The following ARHGEF33 variants were observed in gnomAD, a reference collection of about 807,000 sequenced individuals.
ARHGEF33 encodes DH and coiled-coil domain-containing protein ENSP00000381780.
Under a neutral mutation model 101.9 loss-of-function variants are expected in ARHGEF33, and 72 were observed. The observed-to-expected ratio is 0.71, with a 90% CI of 0.58 to 0.86. The LOEUF is 0.86. Among genes scored for constraint, ARHGEF33 ranks in the 40% least tolerant of loss-of-function variants. The pLI, the probability that ARHGEF33 is intolerant of heterozygous loss-of-function variation, is 0.00. For missense variants in ARHGEF33, 1,169 were observed against 1,111.3 expected, an observed-to-expected ratio of 1.05 and a Z score of -0.74; for synonymous variants, 499 against 442.5, an observed-to-expected ratio of 1.13 and a Z score of -1.60.
intron 10 of ARHGEF33, among the ~76,000 whole-genome samples, chr2:38,945,470 T>C (rs1395196847): frequency 6.6e-6 from 1 of 152,384 alleles, no homozygotes; most frequent in East Asian, 1.9e-4. Context: ...CCATCTGGAC[T>C]GGGCCTCACC....
chr2:38,921,420 C>G lies in ARHGEF33; in HGVS notation c.72C>G (p.Tyr24Ter). The change falls in exon 4 of 18, where the codon TAC becomes TAG. Residue 24 changes from tyrosine (Y) to a stop codon, truncating the protein, a stop_gained. Transcript: ENST00000409978. LOFTEE classifies it high-confidence loss of function. ...TGAATAATCCTTCCACGCAGATTTA[C>G]CAGGTAAAGACAAATCGATTGTTTC... ...MPVNNPSTQI[Y>*]QLQALASELK... The G allele has an allele frequency of 6.5e-7, 1 of 1,539,156 alleles. No homozygotes were observed. The highest frequency in any genetic ancestry group is 8.8e-7 in the Non-Finnish European group (1 of 1,135,572).
intron 16 of ARHGEF33, among the ~76,000 whole-genome samples, chr2:38,963,181 G>A (rs1667984603): frequency 6.6e-6 from 1 of 152,154 alleles, no homozygotes; most frequent in Non-Finnish European, 1.5e-5. Flanking sequence ...TGTGTGTGTT[G>A]GAGGTGATGG....
chr2:38,937,458 G>C lies in ARHGEF33; in HGVS notation c.689G>C (p.Gly230Ala). 5 of 1,550,334 alleles carry C rather than the reference G, an allele frequency of 3.2e-6. No homozygotes were observed. Among genetic ancestry groups the C allele is most frequent in the Non-Finnish European group, 4.4e-6 (5 of 1,146,022 alleles). The change falls in exon 9 of 18, where the codon GGT (glycine) becomes GCT (alanine). Residue 230 changes from glycine to alanine, a missense_variant. Coordinates refer to ENST00000409978, the MANE Select transcript of ARHGEF33 (RefSeq NM_001145451.5). ...WRQPKDGKEW[G>A]EEYVTKDHPD... is the part of the protein sequence containing the mutation. ...CAGCCTAAGGATGGTAAAGAATGGG[G>C]TGAAGAATACGTCACAAAAGACCAC... is the stretch of plus-strand genomic sequence containing the variant.
intron 1 of ARHGEF33, among the ~76,000 whole-genome samples, chr2:38,893,033 A>G (rs144771609): frequency 3.5e-4 from 53 of 152,362 alleles, no homozygotes; most frequent in African/African-American, 1.2e-3. Flanking sequence ...AGCTCCAAAG[A>G]AGAGATTCAA....
chr2:38,904,499 A>T (rs1666343212), intron 2 of ARHGEF33, among the ~76,000 whole-genome samples: 1 of 152,132 alleles, frequency 6.6e-6, no homozygotes, highest in Non-Finnish European at 1.5e-5. Flanking sequence ...TGAGGTCAGG[A>T]GTTCGAGAAC....
chr2:38,899,429 A>G (rs1666195579), intron 2 of ARHGEF33, among the ~76,000 whole-genome samples: 1 of 152,302 alleles, frequency 6.6e-6, no homozygotes, highest in South Asian at 2.1e-4. Context: ...ATAAGATATT[A>G]TGCTCAGAGA....
rs1252021466 is a variant in ARHGEF33, at chr2:38,974,468, A to G, written c.*625A>G. On this transcript the variant is annotated 3_prime_UTR_variant, in exon 18 of 18. Transcript: ENST00000409978. ...AAAGCTTAAAAACACATTGATCTCC[A>G]AACTTGTTCTGTGGTTATGGAAATC... 5 of 152,232 alleles carry G rather than the reference A, an allele frequency of 3.3e-5. No individual in the cohort carries two copies. The highest frequency in any genetic ancestry group is 2.6e-4 in the Admixed American group (4 of 15,284). 9.4% of individuals were successfully genotyped at this position (152,232 alleles called of 1,614,324 possible).
intron 2 of ARHGEF33, among the ~76,000 whole-genome samples, chr2:38,903,237 A>G (rs968143540): frequency 6.6e-6 from 1 of 152,024 alleles, no homozygotes; most frequent in African/African-American, 2.4e-5. Context: ...TTAATAGTAC[A>G]TTAAAAAAAA....
At chr2:38,966,560 G>A (rs907684772) in intron 17 of ARHGEF33, among the ~76,000 whole-genome samples, 3 of 152,266 alleles carry the variant, frequency 2.0e-5, no homozygotes, top group Non-Finnish European at 2.9e-5. Flanking sequence ...GGATCTCAGC[G>A]CTTCTGCATT....
At chr2:38,915,176 A>G (rs1333199962) in intron 2 of ARHGEF33, among the ~76,000 whole-genome samples, 1 of 151,930 alleles carries the variant, frequency 6.6e-6, no homozygotes, top group East Asian at 1.9e-4. Flanking sequence ...AAAAGAAAGT[A>G]AAATGTTTAT....
At chr2:38,926,402 T>G (rs1183792251) in intron 4 of ARHGEF33, among the ~76,000 whole-genome samples, 1 of 152,174 alleles carries the variant, frequency 6.6e-6, no homozygotes, top group Non-Finnish European at 1.5e-5. Context: ...GGGTCGGTAG[T>G]TGAAAACCGC....
chr2:38,935,904 C>T (rs1572757686), intron 8 of ARHGEF33, 70 bp downstream of exon 8: 3 of 1,221,264 alleles, frequency 2.5e-6, no homozygotes, highest in South Asian at 2.7e-5. Flanking sequence ...ATCTTCCCTG[C>T]TTCCACTTCC....
chr2:38,941,228 T>G (rs1667299785), intron 9 of ARHGEF33, among the ~76,000 whole-genome samples: 1 of 152,134 alleles, frequency 6.6e-6, no homozygotes, highest in African/African-American at 2.4e-5. Flanking sequence ...TGGGGTTAAT[T>G]TGGGGAAGGG....
chr2:38,902,853 A>T (rs1249642439), intron 2 of ARHGEF33, among the ~76,000 whole-genome samples: 1 of 152,136 alleles, frequency 6.6e-6, no homozygotes, highest in African/African-American at 2.4e-5. Context: ...GAGAAAAATA[A>T]AGCAGTGAAA....
At chr2:38,900,035 A>C (rs1666207029) in intron 2 of ARHGEF33, among the ~76,000 whole-genome samples, 1 of 151,940 alleles carries the variant, frequency 6.6e-6, no homozygotes, top group Admixed American at 6.6e-5. Context: ...ACAAAAAAAA[A>C]ATTAAAATTA....
intron 2 of ARHGEF33, among the ~76,000 whole-genome samples, chr2:38,913,742 C>T (rs549583482): frequency 6.6e-6 from 1 of 150,836 alleles, no homozygotes; most frequent in Non-Finnish European, 1.5e-5. Context: ...TGCCACTGCA[C>T]TGGGGGACAG....
At chr2:38,911,992 T>C (rs1303272885) in intron 2 of ARHGEF33, among the ~76,000 whole-genome samples, 1 of 152,234 alleles carries the variant, frequency 6.6e-6, no homozygotes, top group African/African-American at 2.4e-5. Context: ...CCCTACCAGC[T>C]TGGTGGCTTC....
intron 2 of ARHGEF33, among the ~76,000 whole-genome samples, chr2:38,899,679 A>C (rs1251842598): frequency 1.3e-5 from 2 of 152,200 alleles, no homozygotes; most frequent in African/African-American, 4.8e-5. Context: ...GTATATTTCA[A>C]AATTGCTAAG....
At chr2:38,954,295 C>G (rs1667686413) in intron 12 of ARHGEF33, 78 bp from the exon 13 acceptor site, 2 of 827,520 alleles carry the variant, frequency 2.4e-6, no homozygotes, top group Admixed American at 4.1e-5. Flanking sequence ...CCCTTCCTAC[C>G]CTGGTGGGAC....
Sources: allele counts gnomAD v4.1 joint callset (sites outside exome capture counted in the v4.1 genomes callset), GRCh38; gene constraint gnomAD v4.1.1; transcripts MANE v1.5; gene names NCBI Gene and HGNC (gene_info 2026-07-23, HGNC 2026-07-21).